Variants in NKAIN2 observed in about 807,000 individuals in gnomAD.
NKAIN2 encodes sodium/potassium transporting ATPase interacting 2.
Under a neutral mutation model 32.6 loss-of-function variants are expected in NKAIN2, and 14 were observed. The observed-to-expected ratio is 0.43, with a 90% CI of 0.28 to 0.67. NKAIN2 has a LOEUF of 0.67. Ranked by LOEUF, NKAIN2 falls within the 30% of genes least tolerant of loss-of-function variation. The pLI is 0.17. For synonymous variants in NKAIN2, 80 were observed against 87.2 expected, an observed-to-expected ratio of 0.92 and a Z score of 0.46; for missense variants, 198 against 258.3, an observed-to-expected ratio of 0.77 and a Z score of 1.60.
intron 3 of NKAIN2, among the ~76,000 whole-genome samples, chr6:124,458,195 T>TA (rs1385955764): frequency 1.3e-5 from 2 of 151,930 alleles, no homozygotes; most frequent in African/African-American, 4.8e-5. Flanking sequence ...TTACAGTTAT[T>TA]AAAAAAGCAA....
At chr6:124,696,279 G>A (rs1051290129) in intron 4 of NKAIN2, among the ~76,000 whole-genome samples, 2 of 152,120 alleles carry the variant, frequency 1.3e-5, no homozygotes, top group African/African-American at 2.4e-5. Flanking sequence ...TGGGAGACAG[G>A]AGGAAAGGAG....
intron 4 of NKAIN2, among the ~76,000 whole-genome samples, chr6:124,707,068 C>A (rs1284780431): frequency 1.3e-5 from 2 of 148,800 alleles, no homozygotes; most frequent in Admixed American, 6.8e-5. Context: ...TCAATTCCCA[C>A]CTATGAGTGA....
chr6:124,553,913 C>T (rs1041261005), intron 3 of NKAIN2, among the ~76,000 whole-genome samples: 1 of 152,136 alleles, frequency 6.6e-6, no homozygotes, highest in African/African-American at 2.4e-5. Flanking sequence ...TTCTCTTTAT[C>T]ACACACTTTT....
intron 3 of NKAIN2, among the ~76,000 whole-genome samples, chr6:124,480,978 G>GT (rs1475148522): frequency 2.0e-5 from 3 of 152,002 alleles, no homozygotes; most frequent in African/African-American, 7.2e-5. Context: ...CTTATTAGGA[G>GT]TAACACTGGG....
intron 1 of NKAIN2, among the ~76,000 whole-genome samples, chr6:124,215,736 T>C (rs1334159173): frequency 6.6e-6 from 1 of 152,198 alleles, no homozygotes; most frequent in Non-Finnish European, 1.5e-5. Context: ...GTGTTCTTTC[T>C]TAGGAATCCA....
At chr6:124,294,063 A>G (rs1247005222) in intron 2 of NKAIN2, among the ~76,000 whole-genome samples, 2 of 152,104 alleles carry the variant, frequency 1.3e-5, no homozygotes. Context: ...TATTTATTTT[A>G]AAAAATGTTT....
At chr6:124,682,998 T>TATGTC (rs1387040217) in intron 4 of NKAIN2, among the ~76,000 whole-genome samples, 4 of 152,176 alleles carry the variant, frequency 2.6e-5, no homozygotes, top group African/African-American at 9.7e-5. Context: ...GCAGCCAGCA[T>TATGTC]ATGTCATGAT....
intron 3 of NKAIN2, among the ~76,000 whole-genome samples, chr6:124,461,295 G>A (rs547751053): frequency 3.3e-5 from 5 of 150,830 alleles, no homozygotes; most frequent in South Asian, 2.1e-4. Context: ...AATTGTGACC[G>A]TGTGTGTGTG....
intron 1 of NKAIN2, among the ~76,000 whole-genome samples, chr6:124,227,860 G>C (rs1267838652): frequency 1.3e-5 from 2 of 152,134 alleles, no homozygotes; most frequent in African/African-American, 4.8e-5. Context: ...ATCTGTCTTA[G>C]TTTGGGATGC....
chr6:124,063,299 A>G (rs1185819175), intron 1 of NKAIN2, among the ~76,000 whole-genome samples: 2 of 152,192 alleles, frequency 1.3e-5, no homozygotes, highest in Non-Finnish European at 2.9e-5. Flanking sequence ...TGGCCCAAGG[A>G]CACACAATTA....
At chr6:124,663,841 G>A (rs1450487102) in intron 4 of NKAIN2, among the ~76,000 whole-genome samples, 1 of 152,060 alleles carries the variant, frequency 6.6e-6, no homozygotes, top group Non-Finnish European at 1.5e-5. Flanking sequence ...GTAAACTGTG[G>A]CATGCAAAAA....
At chr6:124,260,602 G>C (rs565557032) in intron 1 of NKAIN2, among the ~76,000 whole-genome samples, 10 of 152,248 alleles carry the variant, frequency 6.6e-5, no homozygotes, top group African/African-American at 2.4e-4. Flanking sequence ...GAAGGGGGTG[G>C]TGAGACAAAT....
intron 3 of NKAIN2, among the ~76,000 whole-genome samples, chr6:124,607,313 G>A (rs1430632251): frequency 2.0e-5 from 3 of 152,106 alleles, no homozygotes; most frequent in South Asian, 2.1e-4. Context: ...GGATTGGGCA[G>A]CATCAGAACC....
At chr6:124,567,173 T>A (rs1389656028) in intron 3 of NKAIN2, among the ~76,000 whole-genome samples, 1 of 152,196 alleles carries the variant, frequency 6.6e-6, no homozygotes. Flanking sequence ...ACCCTTGCTA[T>A]AAAATTCAAT....
intron 5 of NKAIN2, among the ~76,000 whole-genome samples, chr6:124,798,120 T>G (rs1780095854): frequency 6.6e-6 from 1 of 151,660 alleles, no homozygotes. Flanking sequence ...CTAACTGCAT[T>G]CCTCCCATCT....
intron 3 of NKAIN2, among the ~76,000 whole-genome samples, chr6:124,548,568 G>C (rs916565396): frequency 6.6e-6 from 1 of 152,210 alleles, no homozygotes; most frequent in African/African-American, 2.4e-5. Flanking sequence ...CAAGCGAAGA[G>C]TGTTACCTTC....
intron 1 of NKAIN2, among the ~76,000 whole-genome samples, chr6:124,229,517 T>TAGATAGATAGATAGAG (rs1268428197): frequency 6.7e-6 from 1 of 148,506 alleles, no homozygotes; most frequent in African/African-American, 2.6e-5. Flanking sequence ...GATAGATAGA[T>TAGATAGATAGATAGAG]AGATAGATAG....
chr6:124,513,749 A>G (rs914163031), intron 3 of NKAIN2, among the ~76,000 whole-genome samples: 1 of 152,176 alleles, frequency 6.6e-6, no homozygotes, highest in Admixed American at 6.5e-5. Flanking sequence ...AAAGCTGAGA[A>G]CCATTTCTGC....
At chr6:124,264,150 T>C (rs1794376603) in intron 1 of NKAIN2, among the ~76,000 whole-genome samples, 1 of 152,238 alleles carries the variant, frequency 6.6e-6, no homozygotes, top group South Asian at 2.1e-4. Context: ...TTTATGTGTG[T>C]AGCAGAGGGA....
Sources: allele counts gnomAD v4.1 joint callset (sites outside exome capture counted in the v4.1 genomes callset), GRCh38; gene constraint gnomAD v4.1.1; transcripts MANE v1.5; gene names NCBI Gene and HGNC (gene_info 2026-07-23, HGNC 2026-07-21).